Variants in RAB15 observed in about 807,000 individuals in gnomAD.
The protein encoded by RAB15 is RAB15, member RAS oncogene family, also known as ras-related protein Rab-15.
Under a neutral mutation model 31.8 loss-of-function variants are expected in RAB15, and 13 were observed. That is an observed-to-expected ratio of 0.41 (90% CI 0.27 to 0.65). The LOEUF is 0.65. RAB15 is among the 30% of genes least tolerant of loss of function. The probability of loss-of-function intolerance (pLI) is 0.32; values close to 1 mark genes in which losing one functional copy is unlikely to be tolerated. For missense variants in RAB15, 220 were observed against 277.3 expected (o/e 0.79, Z 1.47); for synonymous variants, 100 against 105.6 (o/e 0.95, Z 0.33).
chr14:64,949,122 C>G (rs1886087231), intron 5 of RAB15, among the ~76,000 whole-genome samples: 1 of 152,184 alleles, frequency 6.6e-6, no homozygotes, highest in Non-Finnish European at 1.5e-5. Context: ...GTTGTACATT[C>G]TCTGTAAGCC....
Position 64,950,759 on chromosome 14 carries a change from T to G in RAB15, c.324+315A>C, listed in dbSNP as rs1237947176. 6.6e-6 allele frequency: 4 copies of G among 604,682 alleles called. No individual in the cohort carries two copies. The highest frequency in any genetic ancestry group is 2.0e-5 in the South Asian group (1 of 50,128). 37.5% of individuals were successfully genotyped at this position (604,682 alleles called of 1,614,324 possible). A position where few individuals can be genotyped will look rare whatever the true frequency, so the allele number is the denominator to read the frequency against. Reference sequence around the variant, plus strand: ...GCTTCCCAAGGCTCCACAGCTATTGTGCAGAGCCAGGACTAGATCCCAATC... The same window carrying G: ...GCTTCCCAAGGCTCCACAGCTATTGGGCAGAGCCAGGACTAGATCCCAATC... On this transcript the variant is annotated intron_variant, in intron 4 of 6. Transcript: ENST00000533601. This position sits in a 1 kb window ranked among gnomAD's most constrained non-coding sequence, Gnocchi z 5.6.
intron 1 of RAB15, among the ~76,000 whole-genome samples, chr14:64,960,356 A>G (rs1176308587): frequency 1.3e-5 from 2 of 152,210 alleles, no homozygotes; most frequent in Admixed American, 1.3e-4. Context: ...GGGCACATCC[A>G]CACTAAAGAA....
rs1336613942 is a variant in RAB15 at position 64,968,105 on chromosome 14, C to G, written c.124+3848G>C. Among the ~76,000 whole-genome samples, 1 of 152,170 alleles carries G rather than the reference C, an allele frequency of 6.6e-6. No individual in the cohort carries two copies. The highest frequency in any genetic ancestry group is 1.5e-5 in the Non-Finnish European group (1 of 68,038). On this transcript the variant is annotated intron_variant, in intron 1 of 6. Transcript: ENST00000533601. The surrounding 1 kb of genome is among the most constrained non-coding windows in gnomAD (Gnocchi z 4.9). ...ATTTAACAACAGGCATTGAATCTGC[C>G]TGGCCCTGTACTAGGGACTATAAAA... is the stretch of plus-strand genomic sequence containing the variant.
rs370464925 is a variant in RAB15 at position 64,971,488 on chromosome 14, TC to T, written c.124+464del. Reference sequence around the variant, plus strand: ...TGTGGCCCCTCCGTACGTCCTCTCTTCCCCCCCTCGCCCCCCGCCGGCTCCA... The same window carrying T: ...TGTGGCCCCTCCGTACGTCCTCTCTTCCCCCCTCGCCCCCCGCCGGCTCCA... On this transcript the variant is annotated intron_variant, in intron 1 of 6. Coordinates refer to ENST00000533601, the MANE Select transcript of RAB15 (RefSeq NM_001308154.2). The surrounding 1 kb of genome is among the most constrained non-coding windows in gnomAD (Gnocchi z 4.1). 8.7e-5 allele frequency among the ~76,000 whole-genome samples: 13 copies of T among 150,012 alleles called. No homozygotes were observed. In the South Asian group the frequency reaches 1.9e-3, roughly 22 times the overall value.
At position 64,946,199 on chromosome 14, in the gene RAB15, C is replaced by T. The variant is rs1209282912; in HGVS notation, c.*2155G>A. 6.6e-6 allele frequency: 1 copy of T among 152,216 alleles called. No individual in the cohort carries two copies. Among genetic ancestry groups the T allele is most frequent in the Non-Finnish European group, 1.5e-5 (1 of 68,040 alleles). The allele number at this position is 152,216 out of a possible 1,614,324, so 9.4% of individuals were successfully genotyped here. A position where few individuals can be genotyped will look rare whatever the true frequency, so the allele number is the denominator to read the frequency against. On this transcript the variant is annotated 3_prime_UTR_variant, in exon 7 of 7. Transcript: ENST00000533601. The stretch of plus-strand genomic sequence containing the variant: ...AATCCTGATTCCATGTTTTCCCTTC[C>T]AGAACCCCTAGGGTACAGTACAAAT...
Position 64,953,772 on chromosome 14 carries a change from G to A in RAB15, c.125-1201C>T. On this transcript the variant is annotated intron_variant, in intron 1 of 6. Coordinates refer to ENST00000533601, the MANE Select transcript of RAB15 (RefSeq NM_001308154.2). This position sits in a 1 kb window ranked among gnomAD's most constrained non-coding sequence, Gnocchi z 4.6. ...AGGGATTCAAGAGCTACGTCTGGTG[G>A]GTTAATTAAGCTTACGTCTTTGTGT... 1 of 984,736 alleles carries A rather than the reference G, an allele frequency of 1.0e-6. No homozygotes were observed. The highest frequency in any genetic ancestry group is 4.7e-5 in the South Asian group (1 of 21,270). The allele number at this position is 984,736 out of a possible 1,614,324, so 61.0% of individuals were successfully genotyped here. A position where few individuals can be genotyped will look rare whatever the true frequency, so the allele number is the denominator to read the frequency against.
At position 64,950,782 on chromosome 14, in the gene RAB15, A is replaced by G. The variant is rs1280002917; in HGVS notation, c.324+292T>C. On this transcript the variant is annotated intron_variant, in intron 4 of 6. Coordinates refer to ENST00000533601, the MANE Select transcript of RAB15 (RefSeq NM_001308154.2). This position sits in a 1 kb window ranked among gnomAD's most constrained non-coding sequence, Gnocchi z 5.6. The stretch of plus-strand genomic sequence containing the variant: ...TGTGCAGAGCCAGGACTAGATCCCA[A>G]TCTTGCAACTCCACCTGGTCCCAAG... 3.2e-6 allele frequency: 2 copies of G among 621,258 alleles called. No homozygotes were observed. The highest frequency in any genetic ancestry group is 1.8e-5 in the African/African-American group (1 of 54,172). The allele number at this position is 621,258 out of a possible 1,614,324, so 38.5% of individuals were successfully genotyped here.
In RAB15 at chr14:64,972,161, C is replaced by T. The variant is rs889010757; in HGVS notation, c.-85G>A. The stretch of plus-strand genomic sequence containing the variant: ...GCTGCCATCGCGGCCCGCGCCCGCC[C>T]GGGGACGCTGCGGGCGGCGAGGAGG... On this transcript the variant is annotated 5_prime_UTR_variant, in exon 1 of 7. Coordinates refer to ENST00000533601, the MANE Select transcript of RAB15 (RefSeq NM_001308154.2). The surrounding 1 kb of genome is among the most constrained non-coding windows in gnomAD (Gnocchi z 6.3). 9 of 1,153,926 alleles carry T rather than the reference C, an allele frequency of 7.8e-6. No individual in the cohort carries two copies. The African/African-American group carries it at 1.1e-4, about 15-fold the overall frequency. 71.5% of individuals were successfully genotyped at this position (1,153,926 alleles called of 1,614,324 possible). A position where few individuals can be genotyped will look rare whatever the true frequency, so the allele number is the denominator to read the frequency against.
rs1887467558 is a variant in RAB15, at chr14:64,972,197, C to A, written c.-121G>T. ...CGGGCGGCGAGGAGGACGCCGGGCC[C>A]GGCCCCCGCGGCTGCCTCGCCCGCC... On this transcript the variant is annotated 5_prime_UTR_variant, in exon 1 of 7. Transcript: ENST00000533601. The surrounding 1 kb of genome is among the most constrained non-coding windows in gnomAD (Gnocchi z 6.3). The A allele has an allele frequency of 6.8e-6, 5 of 731,310 alleles. No individual in the cohort carries two copies. Among genetic ancestry groups the A allele is most frequent in the Non-Finnish European group, 8.4e-6 (5 of 593,054 alleles). The allele number at this position is 731,310 out of a possible 1,614,324, so 45.3% of individuals were successfully genotyped here.
chr14:64,956,045 A>G (rs971176202), intron 1 of RAB15, among the ~76,000 whole-genome samples: 1 of 152,206 alleles, frequency 6.6e-6, no homozygotes, highest in African/African-American at 2.4e-5. Context: ...TCGCCTGAGT[A>G]ACAAGCTGTT....
intron 1 of RAB15, among the ~76,000 whole-genome samples, chr14:64,964,535 AAAAG>A (rs1195696730): frequency 6.6e-6 from 1 of 151,114 alleles, no homozygotes; most frequent in Non-Finnish European, 1.5e-5. Context: ...AAAAAAGAAA[AAAAG>A]AAAAAAGAAA....
At position 64,948,571 on chromosome 14, in the gene RAB15, C is replaced by A; in HGVS notation, c.481-59G>T. ...CTCCTCCTCTCCCCTGGCAACCCTG[C>A]AGCGGCCTGAGGGATAAGGTCCATC... On this transcript the variant is annotated intron_variant, in intron 6 of 6. Transcript: ENST00000533601. This position sits in a 1 kb window ranked among gnomAD's most constrained non-coding sequence, Gnocchi z 7.0. The A allele has an allele frequency of 6.2e-7, 1 of 1,603,166 alleles. No individual in the cohort carries two copies. Among genetic ancestry groups the A allele is most frequent in the Non-Finnish European group, 8.5e-7 (1 of 1,173,584 alleles).
chr14:64,960,919 A>G (rs993854799), intron 1 of RAB15, among the ~76,000 whole-genome samples: 3 of 152,188 alleles, frequency 2.0e-5, no homozygotes, highest in African/African-American at 7.2e-5. Flanking sequence ...CAATTCTGGC[A>G]CAGGTAGGGT....
In RAB15 at chr14:64,951,060, G is replaced by A; in HGVS notation, c.324+14C>T. The A allele has an allele frequency of 6.2e-7, 1 of 1,613,176 alleles. No individual in the cohort carries two copies. The highest frequency in any genetic ancestry group is 1.1e-5 in the South Asian group (1 of 91,088). ...ACCCTCTCCACACCCCGGCAGTGAG[G>A]TGGCATCTCCTACCTCATCCACGTC... is the stretch of plus-strand genomic sequence containing the variant. On this transcript the variant is annotated intron_variant, in intron 4 of 6. Coordinates refer to ENST00000533601, the MANE Select transcript of RAB15 (RefSeq NM_001308154.2). The surrounding 1 kb of genome is among the most constrained non-coding windows in gnomAD (Gnocchi z 7.2).
At position 64,953,902 on chromosome 14, in the gene RAB15, G is replaced by A; in HGVS notation, c.125-1331C>T. 2 of 985,394 alleles carry A rather than the reference G, an allele frequency of 2.0e-6. No individual in the cohort carries two copies. The highest frequency in any genetic ancestry group is 2.4e-6 in the Non-Finnish European group (2 of 829,928). The allele number at this position is 985,394 out of a possible 1,614,324, so 61.0% of individuals were successfully genotyped here. A position where few individuals can be genotyped will look rare whatever the true frequency, so the allele number is the denominator to read the frequency against. ...GCCACCAGCTGCACTGCCCGGCCCA[G>A]AAGGCCTGAAGGCACCAGCATCCCC... On this transcript the variant is annotated intron_variant, in intron 1 of 6. Transcript: ENST00000533601. The surrounding 1 kb of genome is among the most constrained non-coding windows in gnomAD (Gnocchi z 4.6).
At chr14:64,960,447 T>C (rs972872948) in intron 1 of RAB15, among the ~76,000 whole-genome samples, 1 of 152,206 alleles carries the variant, frequency 6.6e-6, no homozygotes, top group African/African-American at 2.4e-5. Flanking sequence ...CAGAGTGTCC[T>C]GGCCATTAAG....
rs1259915810 is a variant in RAB15 at position 64,952,880 on chromosome 14, G to A, written c.125-309C>T. ...ACTCGACAGACTTAAAACATGTCTC[G>A]TTCTAGTCATGTGTGAAGTCTTCCT... is the stretch of plus-strand genomic sequence containing the variant. On this transcript the variant is annotated intron_variant, in intron 1 of 6. Coordinates refer to ENST00000533601, the MANE Select transcript of RAB15 (RefSeq NM_001308154.2). The surrounding 1 kb of genome is among the most constrained non-coding windows in gnomAD (Gnocchi z 4.2). 6.6e-6 allele frequency among the ~76,000 whole-genome samples: 1 copy of A among 152,218 alleles called. No individual in the cohort carries two copies. Among genetic ancestry groups the A allele is most frequent in the Admixed American group, 6.5e-5 (1 of 15,278 alleles).
At chr14:64,966,833 G>C (rs963044916) in intron 1 of RAB15, among the ~76,000 whole-genome samples, 1 of 152,170 alleles carries the variant, frequency 6.6e-6, no homozygotes, top group South Asian at 2.1e-4. Flanking sequence ...GGGGAACAGA[G>C]TAGGTAGAGA....
In RAB15 at chr14:64,968,422, A is replaced by G. The variant is rs1202589259; in HGVS notation, c.124+3531T>C. The stretch of plus-strand genomic sequence containing the variant: ...TCTCTCTTCCCCAGCCTCCGACAGC[A>G]TGGAGTCGTGGGAATAGCACTCACC... On this transcript the variant is annotated intron_variant, in intron 1 of 6. Transcript: ENST00000533601. The surrounding 1 kb of genome is among the most constrained non-coding windows in gnomAD (Gnocchi z 4.9). Among the ~76,000 whole-genome samples, 1 of 152,154 alleles carries G rather than the reference A, an allele frequency of 6.6e-6. No individual in the cohort carries two copies. Among genetic ancestry groups the G allele is most frequent in the Admixed American group, 6.5e-5 (1 of 15,276 alleles).
Sources: gnomAD v4.1 joint callset for allele counts (sites outside exome capture counted in the v4.1 genomes callset) on GRCh38, gnomAD v4.1.1 for gene constraint, Gnocchi (gnomAD v3.1) non-coding constraint, MANE v1.5 for transcripts, NCBI Gene and HGNC (gene_info 2026-07-23, HGNC 2026-07-21) for gene names.